The following MROH2B variants were observed in gnomAD, a reference collection of about 807,000 sequenced individuals.
MROH2B encodes the protein maestro heat like repeat family member 2B.
In MROH2B, 177 loss-of-function variants were observed where a neutral mutation model predicts 208.6. That is an observed-to-expected ratio of 0.85 (90% confidence interval 0.75 to 0.96). The LOEUF is 0.96. Among genes scored for constraint, MROH2B ranks in the 40% least tolerant of loss-of-function variants. The probability of loss-of-function intolerance (pLI) is 0.00; values close to 1 mark genes in which losing one functional copy is unlikely to be tolerated. For synonymous variants in MROH2B, 728 were observed against 659.0 expected, an observed-to-expected ratio of 1.10 and a Z score of -1.60; for missense variants, 2,002 against 1,878.7, an observed-to-expected ratio of 1.07 and a Z score of -1.21.
intron 21 of MROH2B, 132 bp downstream of exon 21, chr5:41,038,604 T>G: frequency 4.9e-6 from 4 of 811,680 alleles, no homozygotes; most frequent in Non-Finnish European, 1.9e-6. Context: ...ATTTACTGTA[T>G]TAGTCTGTTT....
chr5:41,045,700 G>C, intron 18 of MROH2B, 46 bp downstream of exon 18: 1 of 1,430,882 alleles, frequency 7.0e-7, no homozygotes, highest in Non-Finnish European at 9.9e-7. Flanking sequence ...CAGCCATTTT[G>C]GATCATAGGT....
Position 41,000,209 on chromosome 5 carries a change from T to G in MROH2B, c.4482+11A>C, listed in dbSNP as rs1741343379. The G allele has an allele frequency of 6.2e-7, 1 of 1,613,508 alleles. No individual in the cohort carries two copies. The highest frequency in any genetic ancestry group is 8.5e-7 in the Non-Finnish European group (1 of 1,179,734). On this transcript the variant is annotated intron_variant, in intron 39 of 41. Transcript: ENST00000399564. Reference sequence around the variant, plus strand: ...TGCCTTTTTTGGAGGCGGCATCTATTGGACACTCACCAGTTTCACACAGAA... The same window carrying G: ...TGCCTTTTTTGGAGGCGGCATCTATGGGACACTCACCAGTTTCACACAGAA...
intron 11 of MROH2B, among the ~76,000 whole-genome samples, chr5:41,054,442 T>C (rs1247112261): frequency 1.3e-5 from 2 of 152,228 alleles, no homozygotes; most frequent in African/African-American, 4.8e-5. Context: ...ACAAGTAATT[T>C]TTAAACTATT....
Position 41,045,810 on chromosome 5 carries a change from G to A in MROH2B, c.1772C>T (p.Thr591Ile). The A allele has an allele frequency of 1.2e-6, 2 of 1,613,400 alleles. No homozygotes were observed. Among genetic ancestry groups the A allele is most frequent in the Non-Finnish European group, 1.7e-6 (2 of 1,179,514 alleles). ...SLWKISDVAW[T>I]IQLTQDFKQQ... The stretch of plus-strand genomic sequence containing the variant: ...TTTGAAATCCTGAGTCAGCTGAATG[G>A]TCCAGGCCACATCACTGATCTTCCA... Residue 591 changes from threonine (T) to isoleucine (I), a missense_variant, in exon 18 of 42, where the codon ACC (threonine) becomes ATC (isoleucine). Physicochemically the swap from Thr to Ile is moderately conservative, Grantham distance 89. Transcript: ENST00000399564.
chr5:41,038,611 G>T, intron 21 of MROH2B, 125 bp downstream of exon 21: 1 of 923,618 alleles, frequency 1.1e-6, no homozygotes, highest in Non-Finnish European at 1.6e-6. Flanking sequence ...GTATTAGTCT[G>T]TTTTCACGTG....
rs1743206947 is a variant in MROH2B, at chr5:41,049,098, C to T, written c.1542+3G>A. ...CTACTTTGGTTCTTAGTAACTCACT[C>T]ACCAGAAGTCTGGCCAGTAGCTGCT... On this transcript the variant is annotated splice_donor_region_variant and intron_variant, in intron 15 of 41. Coordinates refer to ENST00000399564, the MANE Select transcript of MROH2B (RefSeq NM_173489.5). 6.3e-6 allele frequency: 10 copies of T among 1,594,382 alleles called. No homozygotes were observed. Among genetic ancestry groups the T allele is most frequent in the Non-Finnish European group, 8.6e-6 (10 of 1,169,360 alleles).
chr5:41,053,713 C>T (rs1264012155), intron 11 of MROH2B, among the ~76,000 whole-genome samples: 1 of 152,110 alleles, frequency 6.6e-6, no homozygotes, highest in Non-Finnish European at 1.5e-5. Flanking sequence ...TTATGCTATC[C>T]TAAACTCTTC....
At chr5:41,030,347 A>G (rs937210339) in intron 24 of MROH2B, among the ~76,000 whole-genome samples, 8 of 152,206 alleles carry the variant, frequency 5.3e-5, no homozygotes, top group South Asian at 2.1e-4. Context: ...TAGCTCTGCT[A>G]TATACCAACA....
At chr5:41,050,276 T>C (rs1209859159) in intron 13 of MROH2B, among the ~76,000 whole-genome samples, 1 of 152,224 alleles carries the variant, frequency 6.6e-6, no homozygotes, top group Non-Finnish European at 1.5e-5. Context: ...TTCCAGGCCC[T>C]TTAGGGTTGG....
chr5:41,007,972 G>A (rs890009062), intron 33 of MROH2B, among the ~76,000 whole-genome samples: 2 of 152,124 alleles, frequency 1.3e-5, no homozygotes, highest in Non-Finnish European at 2.9e-5. Flanking sequence ...AACCTAATAC[G>A]TGTTGACTAA....
chr5:41,041,774 A>G (rs1303517489), intron 19 of MROH2B, among the ~76,000 whole-genome samples: 1 of 141,020 alleles, frequency 7.1e-6, no homozygotes, highest in Non-Finnish European at 1.6e-5. Flanking sequence ...AGTCTAGATT[A>G]GTCTATAAGT....
At chr5:41,034,518 GTAT>G (rs568587176) in intron 21 of MROH2B, among the ~76,000 whole-genome samples, 84 of 152,126 alleles carry the variant, frequency 5.5e-4, no homozygotes, top group African/African-American at 2.0e-3. Flanking sequence ...TCCAAATCTG[GTAT>G]TATAACAGTC....
chr5:41,008,787 A>T lies in MROH2B; in HGVS notation c.3427T>A (p.Cys1143Ser). 1 of 1,609,870 alleles carries T rather than the reference A, an allele frequency of 6.2e-7. No homozygotes were observed. The highest frequency in any genetic ancestry group is 8.5e-7 in the Non-Finnish European group (1 of 1,177,136). Residue 1143 changes from cysteine to serine, a missense_variant, in exon 33 of 42, where the codon TGT becomes AGT. Physicochemically the swap from Cys to Ser is moderately radical, Grantham distance 112 (BLOSUM62 -1). Transcript: ENST00000399564. Reference sequence around the variant, plus strand: ...ATTGAGATCACTTCATACATAGCACAGGCCACCTGAGGGGAGAAAGGGCCT... The same window carrying T: ...ATTGAGATCACTTCATACATAGCACTGGCCACCTGAGGGGAGAAAGGGCCT... The part of the protein sequence containing the change: ...IARVEAISVA[C>S]AMYEVISMGT...
intron 37 of MROH2B, among the ~76,000 whole-genome samples, chr5:41,003,542 T>C (rs1741474224): frequency 6.6e-6 from 1 of 152,188 alleles, no homozygotes; most frequent in African/African-American, 2.4e-5. Context: ...TTCTTGAGCC[T>C]CATTTAGAGT....
rs1197879832 is a variant in MROH2B at position 41,012,571 on chromosome 5, C to T, written c.3135+12G>A. 2 of 1,602,460 alleles carry T rather than the reference C, an allele frequency of 1.2e-6. No individual in the cohort carries two copies. The highest frequency in any genetic ancestry group is 1.1e-5 in the South Asian group (1 of 88,512). On this transcript the variant is annotated intron_variant, in intron 30 of 41. Coordinates refer to ENST00000399564, the MANE Select transcript of MROH2B (RefSeq NM_173489.5). Reference sequence around the variant, plus strand: ...AAATCTGTTCAGTTGTTAAAACTGGCTATCAGTTCACCTGATCTTCCAGAG... The same window carrying T: ...AAATCTGTTCAGTTGTTAAAACTGGTTATCAGTTCACCTGATCTTCCAGAG...
rs569738332 is a variant in MROH2B at position 41,009,294 on chromosome 5, C to T, written c.3406G>A (p.Val1136Ile). 1 of 1,613,724 alleles carries T rather than the reference C, an allele frequency of 6.2e-7. No individual in the cohort carries two copies. The highest frequency in any genetic ancestry group is 1.7e-5 in the Admixed American group (1 of 59,988). Residue 1136 changes from valine (V) to isoleucine (I), a missense_variant, in exon 32 of 42, where the codon GTT (valine) becomes ATT (isoleucine). Transcript: ENST00000399564. ...ETELEDDIAR[V>I]EAISVACAMY... ...GTCCAACTCACTGAAATTGCCTCAACCCTGGCGATGTCATCTTCTAACTCA... is the reference window on the plus strand; with the variant it reads ...GTCCAACTCACTGAAATTGCCTCAATCCTGGCGATGTCATCTTCTAACTCA...
chr5:40,999,198 T>C (rs1030189462), intron 40 of MROH2B, among the ~76,000 whole-genome samples: 1 of 152,166 alleles, frequency 6.6e-6, no homozygotes, highest in African/African-American at 2.4e-5. Flanking sequence ...AGAGGTAACA[T>C]AAAGTTAAGT....
chr5:41,039,836 G>A (rs1439235411), intron 19 of MROH2B, among the ~76,000 whole-genome samples: 4 of 152,208 alleles, frequency 2.6e-5, no homozygotes, highest in African/African-American at 9.7e-5. Flanking sequence ...GCAGGAGTAG[G>A]TAGTGAGGAT....
At chr5:41,021,675 C>T (rs180706246) in intron 24 of MROH2B, among the ~76,000 whole-genome samples, 10 of 152,144 alleles carry the variant, frequency 6.6e-5, no homozygotes, top group East Asian at 5.8e-4. Context: ...CCCAGGAGTT[C>T]GAGACCAGCC....
Sources: allele counts gnomAD v4.1 joint callset (sites outside exome capture counted in the v4.1 genomes callset), GRCh38; gene constraint gnomAD v4.1.1; transcripts MANE v1.5; gene names NCBI Gene and HGNC (gene_info 2026-07-23, HGNC 2026-07-21).